The following GATAD2A variants were observed in gnomAD, a reference collection of about 807,000 sequenced individuals.
GATAD2A encodes the protein transcriptional repressor p66-alpha.
Under a neutral mutation model 68.5 loss-of-function variants are expected in GATAD2A, and 12 were observed. The ratio of observed to expected loss-of-function variants is 0.18; its 90% CI spans 0.11 to 0.28. The LOEUF (loss-of-function observed/expected upper bound fraction) is 0.28, where lower values mean the gene tolerates loss of function less well. Ranked by LOEUF, GATAD2A falls within the 10% of genes least tolerant of loss-of-function variation. GATAD2A has a pLI of 1.00. For missense variants in GATAD2A, 755 were observed against 868.5 expected (o/e 0.87, Z 1.64); for synonymous variants, 410 against 375.3 (o/e 1.09, Z -1.07).
intron 1 of GATAD2A, chr19:19,464,927 C>T (rs2057749034): frequency 3.5e-6 from 1 of 282,646 alleles, no homozygotes; most frequent in African/African-American, 2.2e-5. Context: ...TCACCGCCCT[C>T]CTGGATTCCA....
At chr19:19,496,454 G>A (rs147292220) in intron 7 of GATAD2A, among the ~76,000 whole-genome samples, 2 of 152,338 alleles carry the variant, frequency 1.3e-5, no homozygotes, top group Non-Finnish European at 2.9e-5. Context: ...GTGGGCAGCT[G>A]ACGAGAGGGG....
intron 1 of GATAD2A, among the ~76,000 whole-genome samples, chr19:19,436,980 C>G (rs1003404427): frequency 6.6e-6 from 1 of 152,166 alleles, no homozygotes; most frequent in Admixed American, 6.5e-5. Context: ...CTCTGCTGAC[C>G]ATGGCACAGA....
At chr19:19,404,356 T>A (rs558790691), upstream of GATAD2A, among the ~76,000 whole-genome samples, 2 of 152,284 alleles carry the variant, frequency 1.3e-5, no homozygotes, top group Admixed American at 6.5e-5. Context: ...GGGCGTTACA[T>A]TGATTTTCTT....
intron 1 of GATAD2A, among the ~76,000 whole-genome samples, chr19:19,409,231 T>C (rs1412284875): frequency 2.0e-5 from 3 of 152,160 alleles, no homozygotes; most frequent in African/African-American, 7.2e-5. Context: ...GGGGTGTTTC[T>C]GTGCCATCAA....
chr19:19,468,225 C>T (rs1380435887), intron 2 of GATAD2A, among the ~76,000 whole-genome samples: 3 of 152,216 alleles, frequency 2.0e-5, no homozygotes, highest in African/African-American at 7.2e-5. Context: ...TTCTGTCCAG[C>T]CACTGTCAGC....
chr19:19,407,978 G>T (rs1369633319), intron 1 of GATAD2A, among the ~76,000 whole-genome samples: 1 of 152,186 alleles, frequency 6.6e-6, no homozygotes, highest in Admixed American at 6.5e-5. Context: ...ATAGAGAATG[G>T]AAAGATTTGG....
intron 1 of GATAD2A, among the ~76,000 whole-genome samples, chr19:19,408,015 G>A (rs146414380): frequency 5.1e-4 from 77 of 152,250 alleles, no homozygotes; most frequent in African/African-American, 1.9e-3. Flanking sequence ...TTGTTTGTTT[G>A]TTTTTTTGAG....
At chr19:19,442,715 G>C (rs1319122011) in intron 1 of GATAD2A, among the ~76,000 whole-genome samples, 1 of 150,842 alleles carries the variant, frequency 6.6e-6, no homozygotes, top group Non-Finnish European at 1.5e-5. Flanking sequence ...CCATAGGATT[G>C]CCTGAGCTCA....
At chr19:19,429,254 G>T (rs915130098) in intron 1 of GATAD2A, 9 of 976,986 alleles carry the variant, frequency 9.2e-6, no homozygotes, top group South Asian at 4.7e-5. Flanking sequence ...GTGAGGGGCT[G>T]GGGGGGAGAG....
rs577685923 is a variant in GATAD2A at position 19,465,208 on chromosome 19, C to T, written c.-6-132C>T. 121 of 713,318 alleles carry T rather than the reference C, an allele frequency of 1.7e-4. No individual in the cohort carries two copies. The African/African-American group carries it at 1.7e-3, about 10-fold the overall frequency. 44.2% of individuals were successfully genotyped at this position (713,318 alleles called of 1,614,324 possible). A position where few individuals can be genotyped will look rare whatever the true frequency, so the allele number is the denominator to read the frequency against. The stretch of plus-strand genomic sequence containing the variant: ...CCTGGGGATGCTTTTCTGGGCCCTG[C>T]GTTTGTTGTACATTCTTTTGCCATC... On this transcript the variant is annotated intron_variant, in intron 1 of 11. Transcript: ENST00000683918.
chr19:19,393,134 G>A (rs2048971327), intron 1 of GATAD2A, among the ~76,000 whole-genome samples: 1 of 152,080 alleles, frequency 6.6e-6, no homozygotes, highest in African/African-American at 2.4e-5. Flanking sequence ...GCAAAACCCT[G>A]TCTACTAAAA....
chr19:19,457,429 A>G (rs1367857903), intron 1 of GATAD2A, among the ~76,000 whole-genome samples: 1 of 152,126 alleles, frequency 6.6e-6, no homozygotes, highest in Non-Finnish European at 1.5e-5. Context: ...CTGTCACTTC[A>G]GGTGAAAGCA....
intron 2 of GATAD2A, among the ~76,000 whole-genome samples, chr19:19,475,996 G>T (rs2058655474): frequency 6.6e-6 from 1 of 152,204 alleles, no homozygotes; most frequent in African/African-American, 2.4e-5. Context: ...GAGCATCACT[G>T]CTGGTCTTCC....
At chr19:19,444,226 A>T (rs2055429881) in intron 1 of GATAD2A, among the ~76,000 whole-genome samples, 1 of 152,090 alleles carries the variant, frequency 6.6e-6, no homozygotes, top group Non-Finnish European at 1.5e-5. Flanking sequence ...CCCCATTGGT[A>T]TTGCCCATCC....
chr19:19,466,436 C>G (rs1339841316), intron 2 of GATAD2A, among the ~76,000 whole-genome samples: 1 of 152,220 alleles, frequency 6.6e-6, no homozygotes. Flanking sequence ...CCGTTGCTCT[C>G]TCTCCTCACC....
At chr19:19,462,210 C>A (rs898548736) in intron 1 of GATAD2A, among the ~76,000 whole-genome samples, 6 of 152,220 alleles carry the variant, frequency 3.9e-5, no homozygotes, top group African/African-American at 1.4e-4. Context: ...GCCGCCAGCC[C>A]TGTTGTGCTG....
In GATAD2A at chr19:19,505,690, C is replaced by T. The variant is rs984471135; in HGVS notation, c.*216C>T. The T allele has an allele frequency of 8.4e-6, 4 of 476,670 alleles. No homozygotes were observed. The highest frequency in any genetic ancestry group is 1.1e-5 in the Non-Finnish European group (3 of 273,200). 29.5% of individuals were successfully genotyped at this position (476,670 alleles called of 1,614,324 possible). On this transcript the variant is annotated 3_prime_UTR_variant, in exon 12 of 12. Transcript: ENST00000683918. ...TGCCGCCTCATAGGCAGACGAGGATCATCGCTGGGGGACCTTTCCCGTGGG... is the reference window on the plus strand; with the variant it reads ...TGCCGCCTCATAGGCAGACGAGGATTATCGCTGGGGGACCTTTCCCGTGGG...
At chr19:19,408,832 G>A (rs562900154) in intron 1 of GATAD2A, among the ~76,000 whole-genome samples, 1 of 152,232 alleles carries the variant, frequency 6.6e-6, no homozygotes, top group African/African-American at 2.4e-5. Context: ...TGGTGAGCCC[G>A]AAAGGACCTT....
chr19:19,435,061 C>G (rs758580917), intron 1 of GATAD2A: 1 of 530,868 alleles, frequency 1.9e-6, no homozygotes. Context: ...CCTGTGTGCT[C>G]TGTGACCCTG....
Sources: gnomAD v4.1 joint callset for allele counts (sites outside exome capture counted in the v4.1 genomes callset) on GRCh38, gnomAD v4.1.1 for gene constraint, MANE v1.5 for transcripts, NCBI Gene and HGNC (gene_info 2026-07-23, HGNC 2026-07-21) for gene names.